DAZAP1: variants seen among roughly 807,000 people sequenced by gnomAD.
DAZAP1 encodes DAZ associated protein 1.
DAZAP1 carries 6 observed loss-of-function variants against 60.1 expected under a neutral mutation model. The observed-to-expected ratio is 0.10, with a 90% CI of 0.05 to 0.20. DAZAP1 has a LOEUF of 0.20. Among genes scored for constraint, DAZAP1 ranks in the 10% least tolerant of loss-of-function variants. The probability of loss-of-function intolerance (pLI) is 1.00; values close to 1 mark genes in which losing one functional copy is unlikely to be tolerated. For missense variants in DAZAP1, 366 were observed against 560.4 expected (o/e 0.65, Z 3.50); for synonymous variants, 235 against 215.9 (o/e 1.09, Z -0.78).
chr19:1,412,205 G>A (rs2082850777), intron 1 of DAZAP1, among the ~76,000 whole-genome samples: 1 of 152,164 alleles, frequency 6.6e-6, no homozygotes, highest in Admixed American at 6.5e-5. Context: ...CTGCAGGCGT[G>A]GGCTGGAGGG....
At position 1,432,715 on chromosome 19, in the gene DAZAP1, G is replaced by A. The variant is rs201632180; in HGVS notation, c.1048+25G>A. The A allele has an allele frequency of 2.6e-4, 408 of 1,565,076 alleles. 1 individual carries two copies. The African/African-American group carries it at 4.7e-3, about 18-fold the overall frequency. On this transcript the variant is annotated intron_variant, in intron 11 of 11. Transcript: ENST00000233078. This position sits in a 1 kb window ranked among gnomAD's most constrained non-coding sequence, Gnocchi z 4.9. ...GGTAAGTGGTCTCCTGCCATGCCGCGTCCCCGCTGGCCCCAGGACCCTGGG... is the reference window on the plus strand; with the variant it reads ...GGTAAGTGGTCTCCTGCCATGCCGCATCCCCGCTGGCCCCAGGACCCTGGG...
chr19:1,421,350 G>A (rs2083150276), intron 5 of DAZAP1, 92 bp downstream of exon 5: 2 of 1,099,654 alleles, frequency 1.8e-6, no homozygotes. Context: ...CCGAGCCACA[G>A]GTGCACGGGC....
chr19:1,422,494 CA>C lies in DAZAP1; in HGVS notation c.463+101del. 1 of 1,152,190 alleles carries C rather than the reference CA, an allele frequency of 8.7e-7. No homozygotes were observed. Among genetic ancestry groups the C allele is most frequent in the Non-Finnish European group, 1.3e-6 (1 of 777,640 alleles). 71.4% of individuals were successfully genotyped at this position (1,152,190 alleles called of 1,614,324 possible). The stretch of plus-strand genomic sequence containing the variant: ...AGGCACACACAGGTGGCGGCTGTAG[CA>C]AACAGCCTCAGGAAGGGACGATTTG... On this transcript the variant is annotated intron_variant, in intron 6 of 11. Transcript: ENST00000233078. The surrounding 1 kb of genome is among the most constrained non-coding windows in gnomAD (Gnocchi z 4.5).
rs1344486669 is a variant in DAZAP1, at chr19:1,416,317, T to C, written c.30-1183T>C. 6.6e-6 allele frequency: 1 copy of C among 152,224 alleles called. No individual in the cohort carries two copies. The highest frequency in any genetic ancestry group is 1.5e-5 in the Non-Finnish European group (1 of 68,094). 9.4% of individuals were successfully genotyped at this position (152,224 alleles called of 1,614,324 possible). On this transcript the variant is annotated intron_variant, in intron 1 of 11. Transcript: ENST00000233078. The surrounding 1 kb of genome is among the most constrained non-coding windows in gnomAD (Gnocchi z 4.3). Reference sequence around the variant, plus strand: ...GGTGCTTTCAGTGAGGCTGGCAGGATTCTTGCGGCTCAGGTGGGAGCTTTG... The same window carrying C: ...GGTGCTTTCAGTGAGGCTGGCAGGACTCTTGCGGCTCAGGTGGGAGCTTTG...
At chr19:1,414,063 TGGAGTGCAGTGGCTTGATCTTGGCTCA>T (rs1320472301) in intron 1 of DAZAP1, among the ~76,000 whole-genome samples, 4 of 150,584 alleles carry the variant, frequency 2.7e-5, no homozygotes, top group South Asian at 4.2e-4. Flanking sequence ...TCGCCCAGGC[TGGAGTGCAGTGGCTTGATCTTGGCTCA>T]GTGCAACCTC....
intron 6 of DAZAP1, among the ~76,000 whole-genome samples, chr19:1,424,061 C>T (rs907901614): frequency 2.9e-4 from 44 of 151,948 alleles, no homozygotes; most frequent in Middle Eastern, 3.2e-3. Flanking sequence ...TCTTCTGAGA[C>T]GGGTCTGTGT....
Position 1,429,481 on chromosome 19 carries a change from C to T in DAZAP1, c.700+486C>T, listed in dbSNP as rs528640772. ...CCGTCCTTGGAGCTTCCAGCAGCCA[C>T]GGAACCCCTGGGCTTGGCTGCAGCC... is the stretch of plus-strand genomic sequence containing the variant. On this transcript the variant is annotated intron_variant, in intron 8 of 11. Transcript: ENST00000233078. Among the ~76,000 whole-genome samples, 10 of 152,318 alleles carry T rather than the reference C, an allele frequency of 6.6e-5. No individual in the cohort carries two copies. The East Asian group carries it at 1.2e-3, about 18-fold the overall frequency.
At chr19:1,419,689 T>C (rs1478202705) in intron 4 of DAZAP1, among the ~76,000 whole-genome samples, 1 of 152,184 alleles carries the variant, frequency 6.6e-6, no homozygotes, top group Non-Finnish European at 1.5e-5. Context: ...TAAGATATAA[T>C]GGGCACGTAG....
At position 1,433,972 on chromosome 19, in the gene DAZAP1, A is replaced by G; in HGVS notation, c.1049-765A>G. ...TGCCGGTGCCAAGACATTGGCCACA[A>G]GCCTTCAGCGGGCCCAGGATCCCCC... On this transcript the variant is annotated intron_variant, in intron 11 of 11. Transcript: ENST00000233078. The surrounding 1 kb of genome is among the most constrained non-coding windows in gnomAD (Gnocchi z 6.1). 1 of 705,198 alleles carries G rather than the reference A, an allele frequency of 1.4e-6. No individual in the cohort carries two copies. Among genetic ancestry groups the G allele is most frequent in the Non-Finnish European group, 2.4e-6 (1 of 422,388 alleles). The allele number at this position is 705,198 out of a possible 1,614,324, so 43.7% of individuals were successfully genotyped here.
chr19:1,419,677 C>T (rs953428568), intron 4 of DAZAP1, among the ~76,000 whole-genome samples: 2 of 152,186 alleles, frequency 1.3e-5, no homozygotes, highest in African/African-American at 4.8e-5. Flanking sequence ...TCTAGCTTTT[C>T]TTAAGATATA....
rs1421164572 is a variant in DAZAP1, at chr19:1,426,067, C to T, written c.546+107C>T. The T allele has an allele frequency of 3.7e-5, 32 of 860,798 alleles. No homozygotes were observed. Among genetic ancestry groups the T allele is most frequent in the East Asian group, 1.7e-4 (7 of 40,548 alleles). 53.3% of individuals were successfully genotyped at this position (860,798 alleles called of 1,614,324 possible). On this transcript the variant is annotated intron_variant, in intron 7 of 11. Transcript: ENST00000233078. The surrounding 1 kb of genome is among the most constrained non-coding windows in gnomAD (Gnocchi z 5.4). Reference sequence around the variant, plus strand: ...CTTCACGGAAAGGGTCGGGCGAGTTCGTCCTGTGAACCTTTGCTGCGTGAG... The same window carrying T: ...CTTCACGGAAAGGGTCGGGCGAGTTTGTCCTGTGAACCTTTGCTGCGTGAG...
chr19:1,421,637 G>A (rs932980528), intron 5 of DAZAP1, among the ~76,000 whole-genome samples: 1 of 152,252 alleles, frequency 6.6e-6, no homozygotes, highest in African/African-American at 2.4e-5. Context: ...GTGGGAGAAT[G>A]CCCGAGCTCC....
At chr19:1,414,909 G>A (rs182485447) in intron 1 of DAZAP1, among the ~76,000 whole-genome samples, 46 of 150,958 alleles carry the variant, frequency 3.0e-4, no homozygotes, top group African/African-American at 9.3e-4. Context: ...CTGCAGCCTC[G>A]ACCTTGACTC....
At chr19:1,411,223 C>G (rs1422830964) in intron 1 of DAZAP1, among the ~76,000 whole-genome samples, 1 of 152,194 alleles carries the variant, frequency 6.6e-6, no homozygotes, top group African/African-American at 2.4e-5. Context: ...TGGAGTTATT[C>G]CGAGGCAGGT....
intron 1 of DAZAP1, among the ~76,000 whole-genome samples, chr19:1,411,671 G>A (rs943576655): frequency 1.3e-5 from 2 of 152,244 alleles, no homozygotes; most frequent in Non-Finnish European, 2.9e-5. Context: ...AGCGTGCCCA[G>A]CTGTGCTTGT....
rs765040815 is a variant in DAZAP1 at position 1,434,844 on chromosome 19, G to A, written c.1156G>A (p.Ala386Thr). ...CGTGCCAGGGTCGGGGGGCCCCCCC[G>A]CCGGCGGCAGCGGCTTTGGACGAGG... ...PSVPGSGGPPAGGSGFGRGQN... is the reference protein window; with the variant it reads ...PSVPGSGGPPTGGSGFGRGQN... Residue 386 changes from alanine to threonine, a missense_variant, in exon 12 of 12, where the codon GCC (alanine) becomes ACC (threonine). Ala to Thr is a moderately conservative substitution (Grantham distance 58). Coordinates refer to ENST00000233078, the MANE Select transcript of DAZAP1 (RefSeq NM_018959.4). The surrounding 1 kb of genome is among the most constrained non-coding windows in gnomAD (Gnocchi z 8.0). 19 of 1,603,346 alleles carry A rather than the reference G, an allele frequency of 1.2e-5. No individual in the cohort carries two copies. The highest frequency in any genetic ancestry group is 2.2e-5 in the South Asian group (2 of 90,316).
Position 1,418,762 on chromosome 19 carries a change from G to C in DAZAP1, c.303+31G>C. The C allele has an allele frequency of 6.3e-7, 1 of 1,579,138 alleles. No individual in the cohort carries two copies. The highest frequency in any genetic ancestry group is 8.6e-7 in the Non-Finnish European group (1 of 1,162,602). On this transcript the variant is annotated intron_variant, in intron 4 of 11. Transcript: ENST00000233078. This position sits in a 1 kb window ranked among gnomAD's most constrained non-coding sequence, Gnocchi z 5.7. ...GGGCTGGGCCGGGCGGCCTCCTTGT[G>C]TGTTCTCCACTCCACGTGGAAAGGA...
chr19:1,423,204 T>C lies in DAZAP1; in HGVS notation c.463+808T>C, dbSNP rs2083211538. On this transcript the variant is annotated intron_variant, in intron 6 of 11. Coordinates refer to ENST00000233078, the MANE Select transcript of DAZAP1 (RefSeq NM_018959.4). The surrounding 1 kb of genome is among the most constrained non-coding windows in gnomAD (Gnocchi z 6.8). ...AGGTGGCGCCGCAGCATGCCCACCA[T>C]GCTGGAGCATAGTTTGCCATTTGAA... Among the ~76,000 whole-genome samples, 1 of 152,236 alleles carries C rather than the reference T, an allele frequency of 6.6e-6. No individual in the cohort carries two copies. The highest frequency in any genetic ancestry group is 2.1e-4 in the South Asian group (1 of 4,834).
At position 1,428,671 on chromosome 19, in the gene DAZAP1, A is replaced by G. The variant is rs1829652568; in HGVS notation, c.547-171A>G. Reference sequence around the variant, plus strand: ...TTTAAACAAAAAAATTCAACACAAAAGAATTTTTTAAGAAAAAAATGCTAC... The same window carrying G: ...TTTAAACAAAAAAATTCAACACAAAGGAATTTTTTAAGAAAAAAATGCTAC... On this transcript the variant is annotated intron_variant, in intron 7 of 11. Coordinates refer to ENST00000233078, the MANE Select transcript of DAZAP1 (RefSeq NM_018959.4). The surrounding 1 kb of genome is among the most constrained non-coding windows in gnomAD (Gnocchi z 4.0). The G allele has an allele frequency of 4.8e-6, 4 of 840,194 alleles. No individual in the cohort carries two copies. Among genetic ancestry groups the G allele is most frequent in the East Asian group, 2.9e-5 (1 of 34,212 alleles). The allele number at this position is 840,194 out of a possible 1,614,324, so 52.0% of individuals were successfully genotyped here. A position where few individuals can be genotyped will look rare whatever the true frequency, so the allele number is the denominator to read the frequency against.
Sources: allele counts gnomAD v4.1 joint callset (sites outside exome capture counted in the v4.1 genomes callset), GRCh38; gene constraint gnomAD v4.1.1; non-coding constraint Gnocchi (gnomAD v3.1); transcripts MANE v1.5; gene names NCBI Gene and HGNC (gene_info 2026-07-23, HGNC 2026-07-21).